The following SLC8A1 variants were observed in gnomAD, a reference collection of about 807,000 sequenced individuals.
The protein encoded by SLC8A1 is sodium/calcium exchanger 1.
In SLC8A1, 18 loss-of-function variants were observed where a neutral mutation model predicts 68.3. The observed-to-expected ratio is 0.26, with a 90% CI of 0.18 to 0.39. The LOEUF (loss-of-function observed/expected upper bound fraction) is 0.39, where lower values mean the gene tolerates loss of function less well. SLC8A1 is among the 10% of genes least tolerant of loss of function. SLC8A1 has a pLI of 1.00. For synonymous variants in SLC8A1, 475 were observed against 415.5 expected (o/e 1.14, Z -1.74); for missense variants, 985 against 1,156.7 (o/e 0.85, Z 2.15).
chr2:40,341,172 T>A lies in SLC8A1; in HGVS notation c.1808+87301A>T, dbSNP rs529565053. Among the ~76,000 whole-genome samples, 8 of 152,332 alleles carry A rather than the reference T, an allele frequency of 5.3e-5. No homozygotes were observed. In the South Asian group the frequency reaches 1.7e-3, roughly 32 times the overall value. The stretch of plus-strand genomic sequence containing the variant: ...GTGTACTCCCTGGCTCTCTTTGCCT[T>A]ATTTTTTTACATACGGGAGTGTGAG... On this transcript the variant is annotated intron_variant, in intron 2 of 7. Transcript: ENST00000406785.
chr2:40,393,028 G>A (rs963502183), intron 2 of SLC8A1, among the ~76,000 whole-genome samples: 3 of 152,056 alleles, frequency 2.0e-5, no homozygotes, highest in Non-Finnish European at 4.4e-5. Context: ...AATCAATAGT[G>A]ATACTGACTG....
chr2:40,188,555 G>A (rs892769060), intron 2 of SLC8A1, among the ~76,000 whole-genome samples: 2 of 152,218 alleles, frequency 1.3e-5, no homozygotes, highest in African/African-American at 4.8e-5. Flanking sequence ...ACTCGTTCCA[G>A]AGATTATTTC....
intron 2 of SLC8A1, among the ~76,000 whole-genome samples, chr2:40,410,403 G>C (rs1691739504): frequency 6.6e-6 from 1 of 151,914 alleles, no homozygotes; most frequent in Non-Finnish European, 1.5e-5. Flanking sequence ...GATAGTGACT[G>C]GTAAAAGAAG....
intron 2 of SLC8A1, among the ~76,000 whole-genome samples, chr2:40,418,867 G>A (rs1049071632): frequency 6.6e-6 from 1 of 152,100 alleles, no homozygotes; most frequent in Admixed American, 6.6e-5. Context: ...TTTTCTTCTG[G>A]GGAAAAGCAG....
intron 1 of SLC8A1, among the ~76,000 whole-genome samples, chr2:40,493,040 G>A (rs1204329073): frequency 6.6e-6 from 1 of 152,060 alleles, no homozygotes; most frequent in Non-Finnish European, 1.5e-5. Flanking sequence ...AAAGACACAT[G>A]AACACTCATG....
At chr2:40,436,208 G>A (rs912782205) in intron 1 of SLC8A1, among the ~76,000 whole-genome samples, 4 of 152,060 alleles carry the variant, frequency 2.6e-5, no homozygotes, top group Non-Finnish European at 4.4e-5. Context: ...AGTTCCTAGA[G>A]CACAGCCTGG....
chr2:40,389,531 T>A (rs146125907), intron 2 of SLC8A1, among the ~76,000 whole-genome samples: 1 of 152,020 alleles, frequency 6.6e-6, no homozygotes, highest in African/African-American at 2.4e-5. Flanking sequence ...ACAAAAATCA[T>A]TGTGTCAGTT....
intron 1 of SLC8A1, among the ~76,000 whole-genome samples, chr2:40,502,441 A>G (rs1706111706): frequency 6.6e-6 from 1 of 152,052 alleles, no homozygotes; most frequent in Non-Finnish European, 1.5e-5. Flanking sequence ...ACACCAAAAT[A>G]TAGTGTTTGA....
At chr2:40,457,483 A>G (rs1280681029) in intron 1 of SLC8A1, among the ~76,000 whole-genome samples, 1 of 152,210 alleles carries the variant, frequency 6.6e-6, no homozygotes, top group African/African-American at 2.4e-5. Context: ...CCCAGACAGT[A>G]GCCCTTGAAG....
chr2:40,347,467 T>G (rs1259581935), intron 2 of SLC8A1, among the ~76,000 whole-genome samples: 1 of 152,208 alleles, frequency 6.6e-6, no homozygotes, highest in Non-Finnish European at 1.5e-5. Context: ...TTGAGCTCAA[T>G]GCCTGGCTTC....
At chr2:40,386,620 T>C (rs376265530) in intron 2 of SLC8A1, among the ~76,000 whole-genome samples, 6 of 120,762 alleles carry the variant, frequency 5.0e-5, no homozygotes, top group South Asian at 5.0e-4. Context: ...AATTTAAAAA[T>C]CAAAAAAAAA....
chr2:40,153,049 G>A (rs935869133), intron 6 of SLC8A1, among the ~76,000 whole-genome samples: 9 of 151,938 alleles, frequency 5.9e-5, no homozygotes, highest in East Asian at 3.9e-4. Flanking sequence ...ATTTCAAACC[G>A]AGAAAATGTC....
At chr2:40,124,943 A>C (rs1482835187) in intron 7 of SLC8A1, among the ~76,000 whole-genome samples, 1 of 152,210 alleles carries the variant, frequency 6.6e-6, no homozygotes, top group Non-Finnish European at 1.5e-5. Context: ...TTTTTTGTGC[A>C]ATTTACTTAA....
At chr2:40,324,237 A>T (rs1249006544) in intron 2 of SLC8A1, among the ~76,000 whole-genome samples, 3 of 152,172 alleles carry the variant, frequency 2.0e-5, no homozygotes, top group Non-Finnish European at 2.9e-5. Flanking sequence ...TTAAAAGTAG[A>T]GGTAGCATGA....
chr2:40,171,565 T>G (rs910395189), intron 4 of SLC8A1, among the ~76,000 whole-genome samples: 7 of 152,220 alleles, frequency 4.6e-5, no homozygotes, highest in African/African-American at 1.7e-4. Context: ...CATGTGGGTT[T>G]TGAGTAGAAA....
chr2:40,301,414 T>C (rs2071428220), intron 2 of SLC8A1, among the ~76,000 whole-genome samples: 1 of 152,230 alleles, frequency 6.6e-6, no homozygotes, highest in South Asian at 2.1e-4. Flanking sequence ...CTTCAGGCTA[T>C]AACTGTCTTC....
chr2:40,219,691 C>T lies in SLC8A1; in HGVS notation c.1809-41836G>A, dbSNP rs114705671. The stretch of plus-strand genomic sequence containing the variant: ...ATAAGTTGTTAGCCAATCAAACAAG[C>T]AAAGGTGTTTTAAAATACTTCAGTT... On this transcript the variant is annotated intron_variant, in intron 2 of 7. Transcript: ENST00000406785. 8.7e-3 allele frequency among the ~76,000 whole-genome samples: 1,328 copies of T among 152,176 alleles called. 18 individuals carry two copies. Among genetic ancestry groups the T allele is most frequent in the African/African-American group, 0.03 (1,238 of 41,496 alleles).
At chr2:40,230,333 C>G (rs2148892041) in intron 2 of SLC8A1, among the ~76,000 whole-genome samples, 1 of 152,258 alleles carries the variant, frequency 6.6e-6, no homozygotes, top group East Asian at 1.9e-4. Flanking sequence ...TTTTTCATCC[C>G]TTTAACACTT....
chr2:40,137,597 A>T (rs1435342673), intron 7 of SLC8A1, among the ~76,000 whole-genome samples: 2 of 152,176 alleles, frequency 1.3e-5, no homozygotes, highest in Non-Finnish European at 2.9e-5. Context: ...TTGGTTTTAT[A>T]TATAGTCTCT....
Sources: allele counts gnomAD v4.1 joint callset (sites outside exome capture counted in the v4.1 genomes callset), GRCh38; gene constraint gnomAD v4.1.1; transcripts MANE v1.5; gene names NCBI Gene and HGNC (gene_info 2026-07-23, HGNC 2026-07-21).